Variants in CALCR observed in about 807,000 individuals in gnomAD.
CALCR encodes calcitonin receptor.
CALCR carries 47 observed loss-of-function variants against 59.5 expected under a neutral mutation model. That is an observed-to-expected ratio of 0.79 (90% confidence interval 0.63 to 1.01). CALCR has a LOEUF of 1.01. Among genes scored for constraint, CALCR ranks in the 50% least tolerant of loss-of-function variants. The pLI is 0.00. For synonymous variants in CALCR, 213 were observed against 211.3 expected, an observed-to-expected ratio of 1.01 and a Z score of -0.07; for missense variants, 566 against 597.1, an observed-to-expected ratio of 0.95 and a Z score of 0.54.
intron 3 of CALCR, chr7:93,484,046 A>G: frequency 2.0e-6 from 1 of 501,778 alleles, no homozygotes; most frequent in Non-Finnish European, 4.2e-6. Flanking sequence ...CAGCCCAAAC[A>G]TCATCAGTTT....
intron 8 of CALCR, among the ~76,000 whole-genome samples, chr7:93,457,552 A>T (rs1168417589): frequency 6.6e-6 from 1 of 152,196 alleles, no homozygotes; most frequent in Non-Finnish European, 1.5e-5. Context: ...ATACTTCGTA[A>T]TGTGACTGAG....
At chr7:93,551,741 G>C (rs962665549) in intron 2 of CALCR, among the ~76,000 whole-genome samples, 1 of 152,146 alleles carries the variant, frequency 6.6e-6, no homozygotes, top group Non-Finnish European at 1.5e-5. Flanking sequence ...AAAGGTATCT[G>C]TAGTTTTGGA....
intron 7 of CALCR, among the ~76,000 whole-genome samples, chr7:93,464,534 C>T (rs990978640): frequency 3.3e-5 from 5 of 151,866 alleles, no homozygotes; most frequent in Non-Finnish European, 7.4e-5. Flanking sequence ...AAATGGATTG[C>T]ATTAAAACTC....
intron 2 of CALCR, among the ~76,000 whole-genome samples, chr7:93,545,480 A>G (rs1488897125): frequency 6.6e-6 from 1 of 152,154 alleles, no homozygotes; most frequent in Non-Finnish European, 1.5e-5. Flanking sequence ...TTGAATTAAA[A>G]GATCCAGGTC....
At chr7:93,560,872 C>A (rs540125814) in intron 2 of CALCR, among the ~76,000 whole-genome samples, 1 of 152,134 alleles carries the variant, frequency 6.6e-6, no homozygotes, top group South Asian at 2.1e-4. Flanking sequence ...TCACTTAACC[C>A]GATGAACTAC....
chr7:93,469,327 CT>C (rs11388861), intron 6 of CALCR, among the ~76,000 whole-genome samples: 9 of 148,374 alleles, frequency 6.1e-5, no homozygotes, highest in Admixed American at 1.3e-4. Context: ...TTTGATAATT[CT>C]TTTTTTTTTT....
intron 7 of CALCR, among the ~76,000 whole-genome samples, chr7:93,462,279 T>C (rs1040337053): frequency 2.0e-5 from 3 of 152,098 alleles, no homozygotes; most frequent in Non-Finnish European, 4.4e-5. Flanking sequence ...TTTACATCCA[T>C]GAGGCAGGCT....
At chr7:93,433,302 G>A (rs548720418) in intron 13 of CALCR, among the ~76,000 whole-genome samples, 142 of 152,262 alleles carry the variant, frequency 9.3e-4, no homozygotes, top group Non-Finnish European at 1.1e-3. Flanking sequence ...AATGTGATTT[G>A]CCTTGTATGG....
intron 2 of CALCR, among the ~76,000 whole-genome samples, chr7:93,570,711 G>A (rs1211309080): frequency 6.6e-6 from 1 of 152,192 alleles, no homozygotes; most frequent in African/African-American, 2.4e-5. Flanking sequence ...GCTGTGCAGA[G>A]CTGCAGGCAT....
intron 2 of CALCR, among the ~76,000 whole-genome samples, chr7:93,491,770 T>C (rs1406271532): frequency 6.6e-6 from 1 of 151,838 alleles, no homozygotes. Context: ...GGTGAGGCTG[T>C]GGAGAATGAG....
intron 2 of CALCR, among the ~76,000 whole-genome samples, chr7:93,563,728 C>G (rs559115567): frequency 2.0e-5 from 3 of 152,190 alleles, no homozygotes; most frequent in Admixed American, 1.3e-4. Flanking sequence ...TATATCCTAA[C>G]GACAGAGCTT....
At chr7:93,507,871 C>T (rs1032008158) in intron 2 of CALCR, among the ~76,000 whole-genome samples, 1 of 150,776 alleles carries the variant, frequency 6.6e-6, no homozygotes, top group Non-Finnish European at 1.5e-5. Flanking sequence ...TGCGGTGAGC[C>T]GAGATGGCAC....
At chr7:93,553,709 A>G (rs1436867716) in intron 2 of CALCR, among the ~76,000 whole-genome samples, 1 of 152,128 alleles carries the variant, frequency 6.6e-6, no homozygotes, top group Non-Finnish European at 1.5e-5. Context: ...GAGTGAGTAC[A>G]TGCGAAGTGC....
intron 5 of CALCR, among the ~76,000 whole-genome samples, chr7:93,474,962 ACATAC>A (rs1800636188): frequency 6.6e-6 from 1 of 151,788 alleles, no homozygotes; most frequent in Non-Finnish European, 1.5e-5. Context: ...TAAGGAAATA[ACATAC>A]TAAAGAAAAG....
intron 2 of CALCR, among the ~76,000 whole-genome samples, chr7:93,547,967 T>C (rs904487391): frequency 6.6e-6 from 1 of 152,158 alleles, no homozygotes; most frequent in Non-Finnish European, 1.5e-5. Flanking sequence ...CTTCAGAACA[T>C]TGCTTCCCTG....
chr7:93,504,718 C>T (rs576358093), intron 2 of CALCR, among the ~76,000 whole-genome samples: 158 of 152,082 alleles, frequency 1.0e-3, no homozygotes, highest in African/African-American at 3.7e-3. Context: ...TTTAAGTTTC[C>T]TGAAATAAAA....
chr7:93,523,255 C>T lies in CALCR; in HGVS notation c.-26-36248G>A, dbSNP rs965060674. 3.3e-5 allele frequency among the ~76,000 whole-genome samples: 5 copies of T among 152,114 alleles called. No homozygotes were observed. In the East Asian group the frequency reaches 9.6e-4, roughly 29 times the overall value. ...CCTACTTCATTCTGGATAGTATATT[C>T]CTTTCCATAAGGACTTAATTTTGAC... On this transcript the variant is annotated intron_variant, in intron 2 of 13. Coordinates refer to ENST00000426151, the MANE Select transcript of CALCR (RefSeq NM_001742.4).
At chr7:93,556,696 T>C (rs1789615500) in intron 2 of CALCR, among the ~76,000 whole-genome samples, 1 of 152,040 alleles carries the variant, frequency 6.6e-6, no homozygotes, top group Non-Finnish European at 1.5e-5. Context: ...TGAAACTTTC[T>C]TTTTACTTAA....
intron 2 of CALCR, among the ~76,000 whole-genome samples, chr7:93,546,477 C>A (rs749939564): frequency 6.6e-6 from 1 of 152,082 alleles, no homozygotes; most frequent in Non-Finnish European, 1.5e-5. Flanking sequence ...GGAAGTCAAA[C>A]CCAGACTGTC....
Sources: gnomAD v4.1 joint callset for allele counts (sites outside exome capture counted in the v4.1 genomes callset) on GRCh38, gnomAD v4.1.1 for gene constraint, MANE v1.5 for transcripts, NCBI Gene and HGNC (gene_info 2026-07-23, HGNC 2026-07-21) for gene names.